Variants in NDUFAF6 observed in about 807,000 individuals in gnomAD.
NDUFAF6 encodes the protein NADH:ubiquinone oxidoreductase complex assembly factor 6.
Under a neutral mutation model 40.8 loss-of-function variants are expected in NDUFAF6, and 45 were observed. The observed-to-expected ratio is 1.10, with a 90% confidence interval of 0.87 to 1.42. NDUFAF6 has a LOEUF of 1.42. NDUFAF6 is among the 40% of genes most tolerant of loss of function. The pLI, the probability that NDUFAF6 is intolerant of heterozygous loss-of-function variation, is 0.00. For synonymous variants in NDUFAF6, 185 were observed against 155.9 expected, an observed-to-expected ratio of 1.19 and a Z score of -1.39; for missense variants, 435 against 418.5, an observed-to-expected ratio of 1.04 and a Z score of -0.34.
At chr8:94,986,039 A>G (rs1427726346) in intron 2 of NDUFAF6, among the ~76,000 whole-genome samples, 1 of 151,662 alleles carries the variant, frequency 6.6e-6, no homozygotes, top group Non-Finnish European at 1.5e-5. Flanking sequence ...ATGCCCGGCT[A>G]ATTTTTCATG....
At position 95,035,461 on chromosome 8, in the gene NDUFAF6, A is replaced by T; in HGVS notation, c.305A>T (p.Asp102Val). 2 of 1,613,796 alleles carry T rather than the reference A, an allele frequency of 1.2e-6. No homozygotes were observed. Among genetic ancestry groups the T allele is most frequent in the Non-Finnish European group, 1.7e-6 (2 of 1,179,864 alleles). ...TTTAAACCCTGTTTATAGGTTAAAG[A>T]CTCAGTCTCTGAGAAAACAATTGGA... Reference protein sequence around the residue: ...AFNVELAQVKDSVSEKTIGLM... With the variant: ...AFNVELAQVKVSVSEKTIGLM... The change falls in exon 3 of 9, where the codon GAC becomes GTC. Residue 102 changes from aspartate (D) to valine (V), a missense_variant. Coordinates refer to ENST00000396124, the MANE Select transcript of NDUFAF6 (RefSeq NM_152416.4).
chr8:94,988,926 A>G (rs1436016688), intron 2 of NDUFAF6: 1 of 152,272 alleles, frequency 6.6e-6, no homozygotes, highest in East Asian at 1.9e-4. Flanking sequence ...GAAAGAAGCC[A>G]GACACAAAGA....
chr8:95,028,886 G>A (rs758473878), intron 1 of NDUFAF6, among the ~76,000 whole-genome samples: 1 of 152,164 alleles, frequency 6.6e-6, no homozygotes, highest in Non-Finnish European at 1.5e-5. Context: ...GTCAACTATA[G>A]AGCTGCTTTG....
At chr8:95,097,096 C>T (rs1298277778), upstream of NDUFAF6, among the ~76,000 whole-genome samples, 1 of 152,200 alleles carries the variant, frequency 6.6e-6, no homozygotes, top group Non-Finnish European at 1.5e-5. Context: ...CTCATTTGTA[C>T]GTTTTCATCT....
intron 8 of NDUFAF6, among the ~76,000 whole-genome samples, chr8:95,056,672 C>T (rs987552543): frequency 2.0e-5 from 3 of 151,666 alleles, no homozygotes; most frequent in Admixed American, 6.6e-5. Context: ...TTTGGGAGGC[C>T]GAGGAGGATG....
At chr8:94,937,794 C>T (rs1821136997) in intron 1 of NDUFAF6, among the ~76,000 whole-genome samples, 1 of 152,096 alleles carries the variant, frequency 6.6e-6, no homozygotes, top group African/African-American at 2.4e-5. Flanking sequence ...ACCTAGACCC[C>T]ATCTTGCAAA....
At chr8:94,919,385 G>T (rs1258703478) in intron 1 of NDUFAF6, among the ~76,000 whole-genome samples, 1 of 152,070 alleles carries the variant, frequency 6.6e-6, no homozygotes, top group Non-Finnish European at 1.5e-5. Context: ...CATAATTACT[G>T]GTTCTTGTTT....
intron 8 of NDUFAF6, among the ~76,000 whole-genome samples, chr8:95,052,530 TTTACTC>T (rs1221668292): frequency 6.6e-6 from 1 of 152,160 alleles, no homozygotes. Flanking sequence ...CATTCCTCAG[TTTACTC>T]TTAGGTGAAA....
chr8:94,897,711 T>TG (rs1442352639), intron 1 of NDUFAF6, among the ~76,000 whole-genome samples: 4 of 151,060 alleles, frequency 2.6e-5, no homozygotes, highest in African/African-American at 9.7e-5. Context: ...TGTGCCTTTT[T>TG]TTTTTTTTTT....
At chr8:95,061,730 A>C (rs920915693), downstream of NDUFAF6, among the ~76,000 whole-genome samples, 13 of 152,226 alleles carry the variant, frequency 8.5e-5, no homozygotes, top group Admixed American at 5.2e-4. Context: ...AGTAGTTAAG[A>C]GTTTGTTCAG....
chr8:94,965,102 C>T (rs977152944), intron 1 of NDUFAF6, among the ~76,000 whole-genome samples: 1 of 152,142 alleles, frequency 6.6e-6, no homozygotes, highest in African/African-American at 2.4e-5. Flanking sequence ...CTGCAGTCAA[C>T]TCTGTGGTCA....
At chr8:95,027,110 T>A (rs564210113) in intron 1 of NDUFAF6, among the ~76,000 whole-genome samples, 3 of 152,298 alleles carry the variant, frequency 2.0e-5, no homozygotes, top group African/African-American at 7.2e-5. Context: ...CACATGCTAG[T>A]TTTTCTCAAG....
At chr8:94,928,572 A>G (rs2459965) in intron 1 of NDUFAF6, 115,786 of 152,424 alleles carry the variant, frequency 0.76, 46,039 homozygotes, top group East Asian at 0.89. Context: ...TAATTAGACA[A>G]CAAATAAATA....
chr8:95,031,551 C>T (rs1272424675), intron 1 of NDUFAF6, among the ~76,000 whole-genome samples: 2 of 152,040 alleles, frequency 1.3e-5, no homozygotes, highest in Non-Finnish European at 2.9e-5. Context: ...TTTTAAGGAA[C>T]GGTTATAAAA....
In NDUFAF6 at chr8:94,903,516, AAG is replaced by A. The variant is rs539106258; in HGVS notation, c.-936+7590_-936+7591del. Among the ~76,000 whole-genome samples, 70 of 152,362 alleles carry A rather than the reference AAG, an allele frequency of 4.6e-4. No individual in the cohort carries two copies. The Middle Eastern group carries it at 0.01, about 22-fold the overall frequency. On this transcript the variant is annotated intron_variant, in intron 1 of 14. Transcript: ENST00000396113. The stretch of plus-strand genomic sequence containing the variant: ...ATGATACCATTTATATAAAATTTGA[AAG>A]CATGTAATACAAATTACAGTAGTTG...
At chr8:95,086,778 T>G (rs945623346) in intron 2 of NDUFAF6, among the ~76,000 whole-genome samples, 6 of 152,044 alleles carry the variant, frequency 3.9e-5, no homozygotes, top group African/African-American at 1.4e-4. Context: ...ATTTTTTTTG[T>G]ATTTTTAGTA....
rs1368156556 is a variant in NDUFAF6 at position 95,058,174 on chromosome 8, C to T, written c.*237C>T. Reference sequence around the variant, plus strand: ...CCAGACAGTGTCTGCTGTGCTGTCCCTGGAAGCTGGAGCTCCAACAGGGAA... The same window carrying T: ...CCAGACAGTGTCTGCTGTGCTGTCCTTGGAAGCTGGAGCTCCAACAGGGAA... On this transcript the variant is annotated 3_prime_UTR_variant, in exon 9 of 9. Coordinates refer to ENST00000396124, the MANE Select transcript of NDUFAF6 (RefSeq NM_152416.4). 2.1e-6 allele frequency: 3 copies of T among 1,422,300 alleles called. No individual in the cohort carries two copies. The highest frequency in any genetic ancestry group is 2.9e-5 in the African/African-American group (2 of 69,518). The allele number at this position is 1,422,300 out of a possible 1,614,324, so 88.1% of individuals were successfully genotyped here.
intron 2 of NDUFAF6, among the ~76,000 whole-genome samples, chr8:94,994,092 C>G (rs1254787889): frequency 6.6e-6 from 1 of 152,116 alleles, no homozygotes; most frequent in Non-Finnish European, 1.5e-5. Flanking sequence ...TACTCACTCT[C>G]TCCCCTGCCC....
intron 1 of NDUFAF6, among the ~76,000 whole-genome samples, chr8:94,914,085 C>G (rs978550392): frequency 2.0e-5 from 3 of 149,886 alleles, no homozygotes; most frequent in African/African-American, 7.4e-5. Context: ...CCACCGCGCC[C>G]GGCCTGAGAC....
Sources: allele counts gnomAD v4.1 joint callset (sites outside exome capture counted in the v4.1 genomes callset), GRCh38; gene constraint gnomAD v4.1.1; transcripts MANE v1.5; gene names NCBI Gene and HGNC (gene_info 2026-07-23, HGNC 2026-07-21).